Variants in TRDN observed in about 807,000 individuals in gnomAD.
TRDN encodes the protein triadin.
In TRDN, 161 loss-of-function variants were observed where a neutral mutation model predicts 149.7. The ratio of observed to expected loss-of-function variants is 1.08; its 90% confidence interval spans 0.95 to 1.23. The LOEUF (loss-of-function observed/expected upper bound fraction) is 1.23, where lower values mean the gene tolerates loss of function less well. TRDN is among the 50% of genes most tolerant of loss of function. The pLI is 0.00. For missense variants in TRDN, 896 were observed against 823.5 expected (o/e 1.09, Z -1.08); for synonymous variants, 294 against 250.5 (o/e 1.17, Z -1.64).
intron 7 of TRDN, among the ~76,000 whole-genome samples, 185 bp from the exon 8 acceptor site, chr6:123,504,086 G>A (rs1721190506): frequency 6.6e-6 from 1 of 151,542 alleles, no homozygotes; most frequent in Admixed American, 6.6e-5. Context: ...ATAAACACTT[G>A]TGACTTACCA....
Position 123,636,913 on chromosome 6 carries a change from T to C in TRDN, c.-138A>G. 2.1e-6 allele frequency: 2 copies of C among 948,890 alleles called. No homozygotes were observed. The highest frequency in any genetic ancestry group is 3.3e-6 in the Non-Finnish European group (2 of 607,604). The allele number at this position is 948,890 out of a possible 1,614,324, so 58.8% of individuals were successfully genotyped here. Reference sequence around the variant, plus strand: ...TCTTCGTTTTCCTGGCTGTTTCTGCTGCTTCTTTGTTGTCCTGTTGAACTT... The same window carrying C: ...TCTTCGTTTTCCTGGCTGTTTCTGCCGCTTCTTTGTTGTCCTGTTGAACTT... On this transcript the variant is annotated 5_prime_UTR_variant, in exon 1 of 41. Coordinates refer to ENST00000334268, the MANE Select transcript of TRDN (RefSeq NM_006073.4).
intron 38 of TRDN, among the ~76,000 whole-genome samples, chr6:123,226,154 G>A (rs1199586369): frequency 1.3e-5 from 2 of 151,542 alleles, no homozygotes; most frequent in African/African-American, 4.8e-5. Flanking sequence ...TTTAAACATA[G>A]GTTTAACTCA....
At chr6:123,237,738 A>G (rs1157132639) in intron 38 of TRDN, among the ~76,000 whole-genome samples, 2 of 152,186 alleles carry the variant, frequency 1.3e-5, no homozygotes, top group Non-Finnish European at 2.9e-5. Context: ...TTTTGAATAA[A>G]CAATGGTTAT....
intron 23 of TRDN, among the ~76,000 whole-genome samples, chr6:123,320,405 G>A (rs917136274): frequency 2.0e-5 from 3 of 151,804 alleles, no homozygotes; most frequent in African/African-American, 7.3e-5. Context: ...CCTAATACAT[G>A]ATAGTGCTTA....
At chr6:123,274,244 C>T (rs1777297737) in intron 27 of TRDN, among the ~76,000 whole-genome samples, 1 of 152,032 alleles carries the variant, frequency 6.6e-6, no homozygotes, top group Admixed American at 6.6e-5. Flanking sequence ...TCCCTTCAAA[C>T]CACAATAGTC....
chr6:123,610,526 C>T (rs75054104), intron 1 of TRDN, among the ~76,000 whole-genome samples: 8,512 of 152,118 alleles, frequency 0.056, 786 homozygotes, highest in African/African-American at 0.19. Context: ...TTTTCATAGT[C>T]GCTGTCTTTA....
intron 2 of TRDN, among the ~76,000 whole-genome samples, chr6:123,557,769 C>G (rs760733562): frequency 6.6e-6 from 1 of 151,798 alleles, no homozygotes; most frequent in Non-Finnish European, 1.5e-5. Context: ...CCCTCCATGT[C>G]TCTACCCCTT....
At chr6:123,234,637 T>C (rs1292271143) in intron 38 of TRDN, among the ~76,000 whole-genome samples, 1 of 152,056 alleles carries the variant, frequency 6.6e-6, no homozygotes, top group Admixed American at 6.6e-5. Flanking sequence ...GTGGATAAAA[T>C]CTTAAAAACT....
intron 1 of TRDN, among the ~76,000 whole-genome samples, chr6:123,606,641 T>C (rs976587406): frequency 2.0e-5 from 3 of 152,152 alleles, no homozygotes; most frequent in Admixed American, 6.6e-5. Context: ...CTTCCTGATA[T>C]ATAAATGTGT....
intron 19 of TRDN, among the ~76,000 whole-genome samples, chr6:123,375,305 T>G (rs1781465379): frequency 6.6e-6 from 1 of 152,108 alleles, no homozygotes; most frequent in Non-Finnish European, 1.5e-5. Context: ...TAATTCAGTC[T>G]GATGTGTACT....
At chr6:123,340,244 C>T (rs1780016653) in intron 21 of TRDN, among the ~76,000 whole-genome samples, 2 of 152,064 alleles carry the variant, frequency 1.3e-5, no homozygotes, top group African/African-American at 2.4e-5. Flanking sequence ...CCCTAGAGTT[C>T]TTTCCTGACA....
At chr6:123,251,345 T>C (rs1479388587) in intron 38 of TRDN, among the ~76,000 whole-genome samples, 4 of 152,036 alleles carry the variant, frequency 2.6e-5, no homozygotes, top group Non-Finnish European at 4.4e-5. Flanking sequence ...ATTTGGGAAA[T>C]TGAAATGTGA....
At position 123,348,049 on chromosome 6, in the gene TRDN, T is replaced by C. The variant is rs1780323279; in HGVS notation, c.1369+4490A>G. 4.6e-5 allele frequency among the ~76,000 whole-genome samples: 7 copies of C among 152,190 alleles called. No homozygotes were observed. The South Asian group carries it at 1.4e-3, about 32-fold the overall frequency. Reference sequence around the variant, plus strand: ...AAAGTCTTGAAATGAGAATGCAGATTCTCTGTCTGGGAAATAATTTTTCCT... The same window carrying C: ...AAAGTCTTGAAATGAGAATGCAGATCCTCTGTCTGGGAAATAATTTTTCCT... On this transcript the variant is annotated intron_variant, in intron 21 of 40. Coordinates refer to ENST00000334268, the MANE Select transcript of TRDN (RefSeq NM_006073.4).
At chr6:123,571,649 AATAG>A (rs1362137667) in intron 1 of TRDN, among the ~76,000 whole-genome samples, 1 of 152,158 alleles carries the variant, frequency 6.6e-6, no homozygotes, top group Non-Finnish European at 1.5e-5. Flanking sequence ...AAATAAAATA[AATAG>A]ATAAGCAGAT....
intron 21 of TRDN, among the ~76,000 whole-genome samples, chr6:123,343,261 T>C (rs1478606522): frequency 6.6e-6 from 1 of 152,070 alleles, no homozygotes; most frequent in Non-Finnish European, 1.5e-5. Context: ...CCATTTATTT[T>C]TTATAATAAC....
At chr6:123,307,172 G>GATTTAGAA (rs1268016684) in intron 24 of TRDN, among the ~76,000 whole-genome samples, 1 of 151,992 alleles carries the variant, frequency 6.6e-6, no homozygotes, top group African/African-American at 2.4e-5. Flanking sequence ...TATAGGAGAG[G>GATTTAGAA]ATTTAGAAGA....
intron 22 of TRDN, among the ~76,000 whole-genome samples, chr6:123,336,630 A>C (rs1779881524): frequency 6.6e-6 from 1 of 151,774 alleles, no homozygotes; most frequent in African/African-American, 2.4e-5. Context: ...CTTCTCAGAG[A>C]TTATAGTCTA....
At chr6:123,418,660 T>C (rs1304582230) in intron 12 of TRDN, 1 of 152,078 alleles carries the variant, frequency 6.6e-6, no homozygotes, top group African/African-American at 2.4e-5. Context: ...TGCAAGGTAC[T>C]CTTTCCTCTA....
At chr6:123,342,441 A>G (rs1374593104) in intron 21 of TRDN, among the ~76,000 whole-genome samples, 1 of 151,922 alleles carries the variant, frequency 6.6e-6, no homozygotes, top group African/African-American at 2.4e-5. Context: ...GTTTAAATTA[A>G]GATAATAACT....
Sources: allele counts gnomAD v4.1 joint callset (sites outside exome capture counted in the v4.1 genomes callset), GRCh38; gene constraint gnomAD v4.1.1; transcripts MANE v1.5; gene names NCBI Gene and HGNC (gene_info 2026-07-23, HGNC 2026-07-21).